The following RHEBL1 variants were observed in gnomAD, a reference collection of about 807,000 sequenced individuals.
RHEBL1 encodes the protein GTPase RhebL1.
Under a neutral mutation model 27.4 loss-of-function variants are expected in RHEBL1, and 22 were observed. That is an observed-to-expected ratio of 0.80 (90% CI 0.57 to 1.15). The LOEUF (loss-of-function observed/expected upper bound fraction) is 1.15, where lower values mean the gene tolerates loss of function less well. Among genes scored for constraint, RHEBL1 ranks in the 50% most tolerant of loss-of-function variants. RHEBL1 has a pLI of 0.00. For synonymous variants in RHEBL1, 85 were observed against 80.8 expected (o/e 1.05, Z -0.28); for missense variants, 186 against 226.5 (o/e 0.82, Z 1.15).
chr12:49,067,096 T>A, intron 2 of RHEBL1, 61 bp from the exon 3 acceptor site: 1 of 908,224 alleles, frequency 1.1e-6, no homozygotes, highest in Non-Finnish European at 1.7e-6. Context: ...GTATGTCCCC[T>A]GACTTTTTTT....
At position 49,064,982 on chromosome 12, in the gene RHEBL1, G is replaced by C; in HGVS notation, c.*121C>G. On this transcript the variant is annotated 3_prime_UTR_variant, in exon 8 of 8. Coordinates refer to ENST00000301068, the MANE Select transcript of RHEBL1 (RefSeq NM_144593.3). ...TGCAAACATGAGGATGCCACACTGTGTGTCCAGGGGCCAGGAACACAGCTG... is the reference window on the plus strand; with the variant it reads ...TGCAAACATGAGGATGCCACACTGTCTGTCCAGGGGCCAGGAACACAGCTG... 1 of 715,810 alleles carries C rather than the reference G, an allele frequency of 1.4e-6. No homozygotes were observed. The highest frequency in any genetic ancestry group is 2.5e-6 in the Non-Finnish European group (1 of 401,150). The allele number at this position is 715,810 out of a possible 1,614,324, so 44.3% of individuals were successfully genotyped here. A position where few individuals can be genotyped will look rare whatever the true frequency, so the allele number is the denominator to read the frequency against.
At chr12:49,067,897 T>A (rs983259255) in intron 2 of RHEBL1, among the ~76,000 whole-genome samples, 1 of 152,192 alleles carries the variant, frequency 6.6e-6, no homozygotes, top group Admixed American at 6.5e-5. Flanking sequence ...ATCAAATAAG[T>A]GTATCTGGAA....
intron 2 of RHEBL1, 53 bp from the exon 3 acceptor site, chr12:49,067,088 A>C: frequency 2.1e-6 from 2 of 937,636 alleles, no homozygotes; most frequent in Non-Finnish European, 3.3e-6. Context: ...CCAGCGATGT[A>C]TGTCCCCTGA....
At chr12:49,069,270 C>T in intron 1 of RHEBL1, 164 bp from the exon 2 acceptor site, 1 of 1,226,880 alleles carries the variant, frequency 8.2e-7, no homozygotes, top group Non-Finnish European at 1.1e-6. Flanking sequence ...ACCCTCTTTT[C>T]ACCCAGGGTC....
Position 49,065,018 on chromosome 12 carries a change from C to A in RHEBL1, c.*85G>T, listed in dbSNP as rs1938972265. On this transcript the variant is annotated 3_prime_UTR_variant, in exon 8 of 8. Transcript: ENST00000301068. ...CCAGGAACACAGCTGGCAACCATAC[C>A]CGTGAAGTCCTGAGGATCTGCCCCC... 3.1e-6 allele frequency: 3 copies of A among 970,376 alleles called. No individual in the cohort carries two copies. Among genetic ancestry groups the A allele is most frequent in the Non-Finnish European group, 5.0e-6 (3 of 600,528 alleles). 60.1% of individuals were successfully genotyped at this position (970,376 alleles called of 1,614,324 possible).
Position 49,069,018 on chromosome 12 carries a change from G to T in RHEBL1, c.124+17C>A. On this transcript the variant is annotated intron_variant, in intron 2 of 7. Transcript: ENST00000301068. ...GGGTCGCATACCACCAGCACACTAG[G>T]GGAGAAGTCTACTCACTATTCTCCA... 2 of 1,609,106 alleles carry T rather than the reference G, an allele frequency of 1.2e-6. No homozygotes were observed. The highest frequency in any genetic ancestry group is 2.2e-5 in the South Asian group (2 of 90,510).
Position 49,067,010 on chromosome 12 carries a change from G to T in RHEBL1, c.150C>A (p.Gly50=). 1 of 1,613,666 alleles carries T rather than the reference G, an allele frequency of 6.2e-7. No individual in the cohort carries two copies. The highest frequency in any genetic ancestry group is 1.1e-5 in the South Asian group (1 of 91,066). Residue 50 remains glycine, a synonymous_variant, in exon 3 of 8, where the codon GGC becomes GGA. Transcript: ENST00000301068. The part of the protein sequence containing the change: ...ENTYSKIVTL[G]KDEFHLHLVD... The stretch of plus-strand genomic sequence containing the variant: ...CCAGATGTAGGTGAAACTCATCTTT[G>T]CCAAGAGTCACTATCTTGCTGTAAG...
At position 49,069,908 on chromosome 12, in the gene RHEBL1, C is replaced by T; in HGVS notation, c.-123G>A. ...TCGCTCACCCCGAAGCTGCCGTGGG[C>T]AAGTTAGAAGGAAACCAAAACAAGC... On this transcript the variant is annotated 5_prime_UTR_variant, in exon 1 of 8. Transcript: ENST00000301068. 1 of 810,134 alleles carries T rather than the reference C, an allele frequency of 1.2e-6. No homozygotes were observed. The highest frequency in any genetic ancestry group is 1.4e-5 in the South Asian group (1 of 70,360). The allele number at this position is 810,134 out of a possible 1,614,324, so 50.2% of individuals were successfully genotyped here. A position where few individuals can be genotyped will look rare whatever the true frequency, so the allele number is the denominator to read the frequency against.
At chr12:49,068,808 GAC>G (rs777436531) in intron 2 of RHEBL1, among the ~76,000 whole-genome samples, 1 of 152,230 alleles carries the variant, frequency 6.6e-6, no homozygotes, top group Non-Finnish European at 1.5e-5. Flanking sequence ...TAACTGGAAA[GAC>G]ACGCTAAGGT....
chr12:49,069,573 TC>T (rs1565840526), intron 1 of RHEBL1, among the ~76,000 whole-genome samples, 160 bp downstream of exon 1: 1 of 151,538 alleles, frequency 6.6e-6, no homozygotes, highest in Admixed American at 6.6e-5. Flanking sequence ...CACCAACTCT[TC>T]CAATCCTCCA....
At chr12:49,065,217 AAAAGTCAGTTCAGTGCCAAT>A (rs1565838614) in intron 7 of RHEBL1, 25 bp from the exon 8 acceptor site, 1 of 1,599,620 alleles carries the variant, frequency 6.3e-7, no homozygotes, top group South Asian at 1.1e-5. Flanking sequence ...GATTCAGGGC[AAAAGTCAGTTCAGTGCCAAT>A]ACCACCCAGC....
intron 2 of RHEBL1, 91 bp downstream of exon 2, chr12:49,068,944 G>T: frequency 2.2e-6 from 3 of 1,334,224 alleles, no homozygotes; most frequent in South Asian, 1.4e-5. Flanking sequence ...TCAGCCCCTT[G>T]GCACCAGAGA....
chr12:49,066,095 C>T, intron 6 of RHEBL1, 136 bp downstream of exon 6: 1 of 677,278 alleles, frequency 1.5e-6, no homozygotes, highest in East Asian at 2.7e-5. Context: ...GAAGTATTAT[C>T]TTCCTTAAGC....
At chr12:49,068,916 A>T in intron 2 of RHEBL1, 119 bp downstream of exon 2, 1 of 1,042,804 alleles carries the variant, frequency 9.6e-7, no homozygotes. Context: ...AAGAAATCAG[A>T]TGTAATGTCT....
chr12:49,069,551 G>T (rs1939053055), intron 1 of RHEBL1, among the ~76,000 whole-genome samples, 183 bp downstream of exon 1: 1 of 143,322 alleles, frequency 7.0e-6, no homozygotes, highest in African/African-American at 2.6e-5. Flanking sequence ...GCTTCCTGCA[G>T]CCTCCACACA....
intron 2 of RHEBL1, 52 bp downstream of exon 2, chr12:49,068,983 C>T (rs1939042471): frequency 6.4e-7 from 1 of 1,557,178 alleles, no homozygotes; most frequent in Non-Finnish European, 8.7e-7. Context: ...GTGGGGTATC[C>T]AAGCCCTCCG....
intron 2 of RHEBL1, among the ~76,000 whole-genome samples, chr12:49,068,429 CTTTTTTTTTTT>C (rs56316449): frequency 4.0e-5 from 4 of 99,656 alleles, no homozygotes; most frequent in African/African-American, 1.8e-4. Context: ...CGGTGCCCAG[CTTTTTTTTTTT>C]TTTTTTTTTT....
At chr12:49,066,449 A>G (rs1210230773) in intron 5 of RHEBL1, 27 bp downstream of exon 5, 1 of 1,609,526 alleles carries the variant, frequency 6.2e-7, no homozygotes, top group Non-Finnish European at 8.5e-7. Context: ...TGCCCACACT[A>G]TGTCCCTATC....
chr12:49,065,078 A>G lies in RHEBL1; in HGVS notation c.*25T>C. 6.4e-7 allele frequency: 1 copy of G among 1,564,144 alleles called. No homozygotes were observed. ...ATGGCAAGTGCCGGGGGCAGAAGCA[A>G]GGCAGTTACCCCACACCCAAGGGCT... On this transcript the variant is annotated 3_prime_UTR_variant, in exon 8 of 8. Transcript: ENST00000301068.
Sources: allele counts gnomAD v4.1 joint callset (sites outside exome capture counted in the v4.1 genomes callset), GRCh38; gene constraint gnomAD v4.1.1; transcripts MANE v1.5; gene names NCBI Gene and HGNC (gene_info 2026-07-23, HGNC 2026-07-21).